Variants in CTIF observed in about 807,000 individuals in gnomAD.
The protein encoded by CTIF is CBP80/20-dependent translation initiation factor.
A neutral mutation model predicts 66.0 loss-of-function variants in CTIF; 21 were observed. The ratio of observed to expected loss-of-function variants is 0.32; its 90% CI spans 0.23 to 0.46. The LOEUF (loss-of-function observed/expected upper bound fraction) is 0.46. Among genes scored for constraint, CTIF ranks in the 20% least tolerant of loss-of-function variants. The pLI, the probability that CTIF is intolerant of heterozygous loss-of-function variation, is 1.00. For missense variants in CTIF, 739 were observed against 812.7 expected, an observed-to-expected ratio of 0.91 and a Z score of 1.10; for synonymous variants, 345 against 326.4, an observed-to-expected ratio of 1.06 and a Z score of -0.62.
chr18:48,791,021 A>T lies in CTIF; in HGVS notation c.1372-26200A>T, dbSNP rs540509553. Among the ~76,000 whole-genome samples, 3 of 151,930 alleles carry T rather than the reference A, an allele frequency of 2.0e-5. No homozygotes were observed. In the South Asian group the frequency reaches 6.3e-4, roughly 32 times the overall value. ...AGGAGAGTCCTGGCACCCAGAACAG[A>T]CCTCCTAGGAATGTCATGTCTCTGT... On this transcript the variant is annotated intron_variant, in intron 9 of 11. Transcript: ENST00000256413.
At chr18:48,832,840 C>G (rs989830235) in intron 10 of CTIF, among the ~76,000 whole-genome samples, 2 of 152,168 alleles carry the variant, frequency 1.3e-5, no homozygotes, top group Non-Finnish European at 2.9e-5. Context: ...AGGCCAAAAC[C>G]CTGCTGAAAA....
intron 2 of CTIF, chr18:48,625,353 G>A (rs899804742): frequency 3.8e-6 from 1 of 263,510 alleles, no homozygotes; most frequent in African/African-American, 2.3e-5. Context: ...CATTCCCATA[G>A]TGCACAAGAA....
chr18:48,737,291 C>T (rs1203026607), intron 7 of CTIF, among the ~76,000 whole-genome samples: 3 of 152,242 alleles, frequency 2.0e-5, no homozygotes, highest in Non-Finnish European at 2.9e-5. Context: ...ATTAGTAGAG[C>T]CTGACTCCTA....
intron 7 of CTIF, among the ~76,000 whole-genome samples, chr18:48,736,635 T>G (rs894334293): frequency 5.9e-5 from 9 of 152,184 alleles, no homozygotes; most frequent in African/African-American, 2.2e-4. Flanking sequence ...ACATATAGAA[T>G]GGGTGGCTCC....
At chr18:48,780,356 T>G (rs1911088674) in intron 9 of CTIF, among the ~76,000 whole-genome samples, 1 of 152,090 alleles carries the variant, frequency 6.6e-6, no homozygotes, top group Non-Finnish European at 1.5e-5. Context: ...TGTAAATCGC[T>G]TTCTTCACTG....
chr18:48,608,696 A>G (rs901822404), intron 1 of CTIF, among the ~76,000 whole-genome samples: 8 of 152,212 alleles, frequency 5.3e-5, no homozygotes, highest in African/African-American at 1.9e-4. Context: ...ACAGGCCTGC[A>G]AGGCCACAGC....
At chr18:48,555,440 C>A (rs17755606) in intron 1 of CTIF, among the ~76,000 whole-genome samples, 10,412 of 152,270 alleles carry the variant, frequency 0.068, 450 homozygotes, top group South Asian at 0.095. Flanking sequence ...TGAGGCCTGA[C>A]CCACTTTGCA....
At chr18:48,762,384 T>C (rs1204664570) in intron 9 of CTIF, among the ~76,000 whole-genome samples, 1 of 152,130 alleles carries the variant, frequency 6.6e-6, no homozygotes, top group Admixed American at 6.5e-5. Context: ...AGCTTAGCAA[T>C]GTTTCATCTC....
At chr18:48,825,159 A>G (rs2068558158) in intron 10 of CTIF, among the ~76,000 whole-genome samples, 1 of 152,008 alleles carries the variant, frequency 6.6e-6, no homozygotes, top group Non-Finnish European at 1.5e-5. Context: ...TTCTGCCAGG[A>G]ATCTCCCATC....
chr18:48,625,265 T>C, intron 2 of CTIF: 1 of 969,694 alleles, frequency 1.0e-6, no homozygotes, highest in South Asian at 4.8e-5. Context: ...TGCGGGGTGG[T>C]TCAGCATGGG....
chr18:48,689,112 G>A (rs2091887767), intron 6 of CTIF, among the ~76,000 whole-genome samples: 1 of 152,230 alleles, frequency 6.6e-6, no homozygotes, highest in African/African-American at 2.4e-5. Flanking sequence ...CCCTGGAGGA[G>A]GAGGACTGCC....
At chr18:48,647,525 C>T (rs7240607) in intron 3 of CTIF, among the ~76,000 whole-genome samples, 1 of 152,160 alleles carries the variant, frequency 6.6e-6, no homozygotes, top group Non-Finnish European at 1.5e-5. Flanking sequence ...GTATAGGGCA[C>T]AAGAGGTCTC....
chr18:48,746,262 C>T (rs756185119), intron 7 of CTIF, among the ~76,000 whole-genome samples: 7 of 152,078 alleles, frequency 4.6e-5, no homozygotes, highest in African/African-American at 7.2e-5. Flanking sequence ...TGTTTTCCAG[C>T]CCCCAGGCAC....
rs561282898 is a variant in CTIF at position 48,554,427 on chromosome 18, G to A, written c.-29+15115G>A. On this transcript the variant is annotated intron_variant, in intron 1 of 11. Coordinates refer to ENST00000256413, the MANE Select transcript of CTIF (RefSeq NM_014772.3). Reference sequence around the variant, plus strand: ...CCCCTGTACCCAGCGGCCCTTGTCTGTCTCCTCCCAGGCCGAGGCAGGCAC... The same window carrying A: ...CCCCTGTACCCAGCGGCCCTTGTCTATCTCCTCCCAGGCCGAGGCAGGCAC... Among the ~76,000 whole-genome samples the A allele has an allele frequency of 1.4e-4, 21 of 152,330 alleles. No individual in the cohort carries two copies. In the South Asian group the frequency reaches 4.4e-3, roughly 32 times the overall value.
At chr18:48,706,255 G>T (rs2092152805) in intron 6 of CTIF, among the ~76,000 whole-genome samples, 2 of 152,186 alleles carry the variant, frequency 1.3e-5, no homozygotes. Context: ...GTAAGAACAA[G>T]CATATTGCCT....
At chr18:48,582,066 G>A (rs894738561) in intron 1 of CTIF, among the ~76,000 whole-genome samples, 1 of 151,996 alleles carries the variant, frequency 6.6e-6, no homozygotes, top group Non-Finnish European at 1.5e-5. Context: ...GCGATTTGGT[G>A]TCTGAGGGGC....
chr18:48,736,913 C>T (rs1422935392), intron 7 of CTIF, among the ~76,000 whole-genome samples: 1 of 152,178 alleles, frequency 6.6e-6, no homozygotes, highest in Admixed American at 6.5e-5. Context: ...CTGCTGCACT[C>T]ACGTTCACAC....
At chr18:48,738,514 C>T (rs954637356) in intron 7 of CTIF, among the ~76,000 whole-genome samples, 5 of 152,066 alleles carry the variant, frequency 3.3e-5, no homozygotes, top group African/African-American at 1.2e-4. Flanking sequence ...AGTTCCACCT[C>T]GGGGACTTTG....
At position 48,761,720 on chromosome 18, in the gene CTIF, G is replaced by T; in HGVS notation, c.1371+31G>T. 6.3e-7 allele frequency: 1 copy of T among 1,582,814 alleles called. No individual in the cohort carries two copies. The highest frequency in any genetic ancestry group is 8.6e-7 in the Non-Finnish European group (1 of 1,160,078). ...TGGACGCCGGCCACCACCGCCCCGCGCCCCCTGCCCCTCTGCGTTCGGTGA... is the reference window on the plus strand; with the variant it reads ...TGGACGCCGGCCACCACCGCCCCGCTCCCCCTGCCCCTCTGCGTTCGGTGA... On this transcript the variant is annotated intron_variant, in intron 9 of 11. Coordinates refer to ENST00000256413, the MANE Select transcript of CTIF (RefSeq NM_014772.3). This position sits in a 1 kb window ranked among gnomAD's most constrained non-coding sequence, Gnocchi z 4.2.
Sources: allele counts gnomAD v4.1 joint callset (sites outside exome capture counted in the v4.1 genomes callset), GRCh38; gene constraint gnomAD v4.1.1; non-coding constraint Gnocchi (gnomAD v3.1); transcripts MANE v1.5; gene names NCBI Gene and HGNC (gene_info 2026-07-23, HGNC 2026-07-21).